Variants in PCSK5 observed in about 807,000 individuals in gnomAD.
PCSK5 encodes prohormone convertase 5.
Under a neutral mutation model 233.2 loss-of-function variants are expected in PCSK5, and 129 were observed. The ratio of observed to expected loss-of-function variants is 0.55; its 90% CI spans 0.48 to 0.64. The LOEUF (loss-of-function observed/expected upper bound fraction) is 0.64, where lower values mean the gene tolerates loss of function less well. PCSK5 is among the 30% of genes least tolerant of loss of function. The pLI is 0.00. For synonymous variants in PCSK5, 825 were observed against 879.2 expected (o/e 0.94, Z 1.09); for missense variants, 2,076 against 2,430.1 (o/e 0.85, Z 3.06).
At chr9:75,989,832 A>G (rs150224042) in intron 3 of PCSK5, among the ~76,000 whole-genome samples, 3 of 152,210 alleles carry the variant, frequency 2.0e-5, no homozygotes, top group East Asian at 3.9e-4. Flanking sequence ...GTAGTTTTCT[A>G]TTGGTCACAT....
intron 3 of PCSK5, among the ~76,000 whole-genome samples, chr9:75,987,518 A>G (rs778734597): frequency 1.3e-5 from 2 of 152,096 alleles, no homozygotes; most frequent in African/African-American, 4.8e-5. Flanking sequence ...ATTTGTGCTT[A>G]TTTTGAGATG....
chr9:76,023,843 G>A lies in PCSK5; in HGVS notation c.517G>A (p.Gly173Arg). 6.2e-7 allele frequency: 1 copy of A among 1,613,316 alleles called. No individual in the cohort carries two copies. Among genetic ancestry groups the A allele is most frequent in the Non-Finnish European group, 8.5e-7 (1 of 1,179,530 alleles). The change falls in exon 4 of 38, where the codon GGA becomes AGA. Residue 173 changes from glycine to arginine, a missense_variant. Transcript: ENST00000674117. ...CATTGTGGTCACTATCCTGGATGAC[G>A]GAATTGAGAGAACCCATCCAGATCT... Reference protein sequence around the residue: ...KNIVVTILDDGIERTHPDLMQ... With the variant: ...KNIVVTILDDRIERTHPDLMQ...
intron 10 of PCSK5, among the ~76,000 whole-genome samples, chr9:76,155,102 C>A (rs1823832592): frequency 6.6e-6 from 1 of 152,118 alleles, no homozygotes; most frequent in African/African-American, 2.4e-5. Flanking sequence ...GTATAAAACT[C>A]CCACATTTAT....
At chr9:76,204,275 G>A (rs78439572) in intron 20 of PCSK5, among the ~76,000 whole-genome samples, 7 of 151,986 alleles carry the variant, frequency 4.6e-5, no homozygotes, top group African/African-American at 9.7e-5. Flanking sequence ...CTCTAGTTCC[G>A]CAAAGAAGCT....
chr9:75,907,522 C>T (rs968049423), intron 1 of PCSK5, among the ~76,000 whole-genome samples: 1 of 152,100 alleles, frequency 6.6e-6, no homozygotes, highest in African/African-American at 2.4e-5. Context: ...TGTTTCAGAC[C>T]TTGGCATCAT....
At position 76,177,269 on chromosome 9, in the gene PCSK5, G is replaced by A. The variant is rs10120025; in HGVS notation, c.1900+2140G>A. Among the ~76,000 whole-genome samples, 631 of 152,022 alleles carry A rather than the reference G, an allele frequency of 4.2e-3. 9 individuals are homozygous for A. The highest frequency in any genetic ancestry group is 0.015 in the African/African-American group (602 of 41,456). ...GGATCGTGCCACTTCACTCCAGCCT[G>A]GGAACAGAGTGAGACTCAGTCTCAA... On this transcript the variant is annotated intron_variant, in intron 14 of 37. Coordinates refer to ENST00000674117, the MANE Select transcript of PCSK5 (RefSeq NM_001372043.1).
intron 24 of PCSK5, among the ~76,000 whole-genome samples, chr9:76,268,196 T>C (rs528579452): frequency 6.6e-6 from 1 of 152,214 alleles, no homozygotes; most frequent in Non-Finnish European, 1.5e-5. Flanking sequence ...TCATAATTCC[T>C]AGCTCTCAGA....
At chr9:76,258,182 A>G (rs1827044953) in intron 24 of PCSK5, among the ~76,000 whole-genome samples, 2 of 152,214 alleles carry the variant, frequency 1.3e-5, no homozygotes, top group Non-Finnish European at 2.9e-5. Context: ...AGAAAAGTTT[A>G]TCAGTCTCTC....
At chr9:76,218,294 A>C (rs1252620126) in intron 20 of PCSK5, among the ~76,000 whole-genome samples, 1 of 152,216 alleles carries the variant, frequency 6.6e-6, no homozygotes, top group African/African-American at 2.4e-5. Flanking sequence ...TAATAAAAAA[A>C]AGAACGTGTG....
chr9:76,257,887 C>T (rs890218585), intron 24 of PCSK5, among the ~76,000 whole-genome samples: 1 of 152,212 alleles, frequency 6.6e-6, no homozygotes, highest in Non-Finnish European at 1.5e-5. Context: ...ACCAACTTTC[C>T]TTTATGTATA....
At chr9:76,330,268 C>T (rs1397366585) in intron 33 of PCSK5, among the ~76,000 whole-genome samples, 3 of 152,152 alleles carry the variant, frequency 2.0e-5, no homozygotes. Flanking sequence ...ACAATGTCCT[C>T]AGGTTCCCAG....
Position 76,293,230 on chromosome 9 carries a change from C to A in PCSK5, c.3185+955C>A, listed in dbSNP as rs1440480684. ...CGACCCACCTGTCCAAAAACAAATA[C>A]ACTTGAAATGTGGTAATAGGTAAGA... On this transcript the variant is annotated intron_variant, in intron 25 of 37. Coordinates refer to ENST00000674117, the MANE Select transcript of PCSK5 (RefSeq NM_001372043.1). Among the ~76,000 whole-genome samples the A allele has an allele frequency of 2.6e-5, 4 of 152,104 alleles. No homozygotes were observed. The East Asian group carries it at 7.7e-4, about 29-fold the overall frequency.
At chr9:76,245,289 A>C (rs1232611264) in intron 24 of PCSK5, among the ~76,000 whole-genome samples, 2 of 152,210 alleles carry the variant, frequency 1.3e-5, no homozygotes, top group Non-Finnish European at 2.9e-5. Flanking sequence ...TTGCAGATTG[A>C]AATGGCTGTC....
intron 32 of PCSK5, among the ~76,000 whole-genome samples, chr9:76,324,427 C>T (rs1829300507): frequency 6.6e-6 from 1 of 152,112 alleles, no homozygotes; most frequent in Non-Finnish European, 1.5e-5. Flanking sequence ...GACAGGGTTT[C>T]ACCATGTTGG....
chr9:76,184,541 T>C (rs560962021), intron 16 of PCSK5, 132 bp from the exon 17 acceptor site: 21 of 537,736 alleles, frequency 3.9e-5, no homozygotes, highest in African/African-American at 3.9e-4. Context: ...AGTGATTCTG[T>C]GGCTTTTCCT....
intron 3 of PCSK5, among the ~76,000 whole-genome samples, chr9:75,992,630 A>T (rs972469272): frequency 6.6e-6 from 1 of 152,134 alleles, no homozygotes; most frequent in Non-Finnish European, 1.5e-5. Context: ...TCTGCCTCAC[A>T]GAAGGACTCA....
rs1276348299 is a variant in PCSK5 at position 75,986,201 on chromosome 9, T to C, written c.367T>C (p.Ser123Pro). 1 of 1,613,768 alleles carries C rather than the reference T, an allele frequency of 6.2e-7. No homozygotes were observed. The highest frequency in any genetic ancestry group is 1.1e-5 in the South Asian group (1 of 91,074). Residue 123 changes from serine to proline, a missense_variant, in exon 3 of 38, where the codon TCT becomes CCT. Transcript: ENST00000674117. ...KRDYDFSRAQ[S>P]TYFNDPKWPS... ...GGATTATGACTTCAGTCGTGCCCAG[T>C]CTACCTATTTCAATGATCCCAAGTG... is the stretch of plus-strand genomic sequence containing the variant.
chr9:76,031,013 A>G (rs1468653766), intron 5 of PCSK5, among the ~76,000 whole-genome samples: 1 of 152,166 alleles, frequency 6.6e-6, no homozygotes, highest in African/African-American at 2.4e-5. Context: ...TCACAGGTGT[A>G]ACACCAGCAC....
chr9:76,216,847 T>C (rs1564114475), intron 20 of PCSK5, among the ~76,000 whole-genome samples: 1 of 152,232 alleles, frequency 6.6e-6, no homozygotes, highest in Non-Finnish European at 1.5e-5. Context: ...GCATTTCTTT[T>C]TTTGTTTGTT....
Sources: gnomAD v4.1 joint callset for allele counts (sites outside exome capture counted in the v4.1 genomes callset) on GRCh38, gnomAD v4.1.1 for gene constraint, MANE v1.5 for transcripts, NCBI Gene and HGNC (gene_info 2026-07-23, HGNC 2026-07-21) for gene names.